Variants in WLS observed in about 807,000 individuals in gnomAD.
WLS encodes Wnt ligand secretion mediator.
In WLS, 23 loss-of-function variants were observed where a neutral mutation model predicts 62.8. That is an observed-to-expected ratio of 0.37 (90% confidence interval 0.26 to 0.52). WLS has a LOEUF of 0.52. WLS is among the 20% of genes least tolerant of loss of function. The pLI, the probability that WLS is intolerant of heterozygous loss-of-function variation, is 0.92. For missense variants in WLS, 615 were observed against 697.3 expected, an observed-to-expected ratio of 0.88 and a Z score of 1.33; for synonymous variants, 246 against 244.1, an observed-to-expected ratio of 1.01 and a Z score of -0.07.
intron 2 of WLS, among the ~76,000 whole-genome samples, chr1:68,170,912 T>A (rs947604624): frequency 1.3e-5 from 2 of 152,228 alleles, no homozygotes; most frequent in Admixed American, 1.3e-4. Flanking sequence ...TAGATATTCA[T>A]TGAATATTTA....
At chr1:68,137,076 C>G (rs901311122) in intron 11 of WLS, among the ~76,000 whole-genome samples, 1 of 152,252 alleles carries the variant, frequency 6.6e-6, no homozygotes, top group African/African-American at 2.4e-5. Context: ...GTTAACAGCA[C>G]TGGCCTAGAC....
chr1:68,110,217 T>A (rs996064349), intron 11 of WLS, among the ~76,000 whole-genome samples: 4 of 151,820 alleles, frequency 2.6e-5, no homozygotes, highest in South Asian at 2.1e-4. Flanking sequence ...AAAAGATTTT[T>A]AAAAAATTTA....
At chr1:68,120,133 A>C (rs1361663057) in intron 11 of WLS, among the ~76,000 whole-genome samples, 1 of 151,858 alleles carries the variant, frequency 6.6e-6, no homozygotes, top group African/African-American at 2.4e-5. Flanking sequence ...ATTAACACCT[A>C]CTCTTCCTTA....
At chr1:68,211,335 G>A (rs933542541) in intron 1 of WLS, among the ~76,000 whole-genome samples, 1 of 150,136 alleles carries the variant, frequency 6.7e-6, no homozygotes, top group Non-Finnish European at 1.5e-5. Context: ...AAAAAAAGAG[G>A]TGCTAAAAAA....
intron 9 of WLS, among the ~76,000 whole-genome samples, chr1:68,145,123 C>T (rs1570884942): frequency 6.6e-6 from 1 of 152,210 alleles, no homozygotes; most frequent in East Asian, 1.9e-4. Flanking sequence ...CCTGTGGTTT[C>T]CTAAGAGCAG....
intron 1 of WLS, among the ~76,000 whole-genome samples, chr1:68,225,606 T>G (rs1250067220): frequency 1.3e-5 from 2 of 152,210 alleles, no homozygotes; most frequent in African/African-American, 2.4e-5. Flanking sequence ...AAAATGTACC[T>G]ATTCCTGCTG....
chr1:68,101,861 C>G (rs541760462), intron 11 of WLS, among the ~76,000 whole-genome samples: 1 of 152,280 alleles, frequency 6.6e-6, no homozygotes, highest in South Asian at 2.1e-4. Flanking sequence ...GCGAGAAATA[C>G]TGGGAAACAA....
intron 1 of WLS, among the ~76,000 whole-genome samples, chr1:68,196,746 G>A (rs749447117): frequency 1.2e-4 from 18 of 152,076 alleles, no homozygotes; most frequent in South Asian, 2.1e-4. Context: ...AATACAAGTT[G>A]CCACTAACCC....
At chr1:68,098,719 A>C (rs758303393) in exon 12 of WLS, 15 of 1,613,934 alleles carry the variant, frequency 9.3e-6, no homozygotes, top group Non-Finnish European at 1.3e-5. Flanking sequence ...CAAACAAAGC[A>C]CAATCTTCCC....
intron 1 of WLS, among the ~76,000 whole-genome samples, chr1:68,208,837 T>C (rs1649390455): frequency 6.6e-6 from 1 of 151,890 alleles, no homozygotes; most frequent in Non-Finnish European, 1.5e-5. Context: ...GTGTTAGGAG[T>C]GTGGGTCTAG....
intron 1 of WLS, among the ~76,000 whole-genome samples, chr1:68,215,133 C>T (rs550531872): frequency 1.3e-5 from 2 of 152,242 alleles, no homozygotes; most frequent in South Asian, 2.1e-4. Context: ...GAAAAAAATG[C>T]TCCACAAAGG....
At chr1:68,124,936 A>G (rs973658763), downstream of WLS, among the ~76,000 whole-genome samples, 8 of 152,192 alleles carry the variant, frequency 5.3e-5, no homozygotes, top group Admixed American at 5.2e-4. Flanking sequence ...ACTGATTGAA[A>G]TTTTCACTGT....
At chr1:68,183,604 T>G (rs1557503737) in intron 2 of WLS, 1 of 509,920 alleles carries the variant, frequency 2.0e-6, no homozygotes, top group Admixed American at 2.1e-5. Context: ...CCATCACCAT[T>G]GTAGATAATG....
rs139180403 is a variant in WLS at position 68,185,626 on chromosome 1, T to G, written c.379+8329A>C. On this transcript the variant is annotated intron_variant, in intron 2 of 11. Coordinates refer to ENST00000262348, the MANE Select transcript of WLS (RefSeq NM_024911.7). The stretch of plus-strand genomic sequence containing the variant: ...CTCCTTATGAGAATCTAATGCCTGA[T>G]GATCTGAAGCGGAACCATTTCATAC... Among the ~76,000 whole-genome samples the G allele has an allele frequency of 4.1e-3, 629 of 152,328 alleles. 3 individuals carry two copies. Among genetic ancestry groups the G allele is most frequent in the African/African-American group, 0.014 (580 of 41,566 alleles).
At chr1:68,146,146 T>C in intron 8 of WLS, 134 bp from the exon 9 acceptor site, 1 of 963,702 alleles carries the variant, frequency 1.0e-6, no homozygotes. Flanking sequence ...GGGGATAAAA[T>C]ATTAAAACCT....
chr1:68,194,273 A>G lies in WLS; in HGVS notation c.107-46T>C, dbSNP rs201971372. 78 of 1,596,512 alleles carry G rather than the reference A, an allele frequency of 4.9e-5. 2 individuals are homozygous for G. In the East Asian group the frequency reaches 1.2e-3, roughly 24 times the overall value. ...TGTTTTAGAAAAGCCATCTATTGAA[A>G]CTACTGTTTCTGGTTAATATTCTTT... On this transcript the variant is annotated intron_variant, in intron 1 of 11. Coordinates refer to ENST00000262348, the MANE Select transcript of WLS (RefSeq NM_024911.7).
chr1:68,224,993 A>G (rs573584695), intron 1 of WLS, among the ~76,000 whole-genome samples: 104 of 152,298 alleles, frequency 6.8e-4, no homozygotes, highest in African/African-American at 2.4e-3. Context: ...TGCAACCTCA[A>G]AAAAGGTTCT....
intron 2 of WLS, 186 bp downstream of exon 2, chr1:68,193,769 A>G (rs544490355): frequency 8.3e-6 from 6 of 726,016 alleles, no homozygotes; most frequent in African/African-American, 5.4e-5. Context: ...AGACTACCTC[A>G]AGGAACCTGG....
intron 11 of WLS, among the ~76,000 whole-genome samples, chr1:68,132,463 A>C (rs1646541362): frequency 6.6e-6 from 1 of 152,154 alleles, no homozygotes; most frequent in African/African-American, 2.4e-5. Flanking sequence ...CTCAGGACTT[A>C]ATCCAACGCT....
Sources: allele counts gnomAD v4.1 joint callset (sites outside exome capture counted in the v4.1 genomes callset), GRCh38; gene constraint gnomAD v4.1.1; transcripts MANE v1.5; gene names NCBI Gene and HGNC (gene_info 2026-07-23, HGNC 2026-07-21).